Variants in ITCH observed in about 807,000 individuals in gnomAD.
ITCH encodes the protein itchy E3 ubiquitin protein ligase.
In ITCH, 28 loss-of-function variants were observed where a neutral mutation model predicts 126.8. That is an observed-to-expected ratio of 0.22 (90% CI 0.16 to 0.30). The LOEUF is 0.30. ITCH is among the 10% of genes least tolerant of loss of function. The probability of loss-of-function intolerance (pLI) is 1.00; values close to 1 mark genes in which losing one functional copy is unlikely to be tolerated. For missense variants in ITCH, 631 were observed against 1,032.4 expected (o/e 0.61, Z 5.33); for synonymous variants, 342 against 340.0 (o/e 1.01, Z -0.06).
At chr20:34,373,016 C>G (rs573874663) in intron 2 of ITCH, among the ~76,000 whole-genome samples, 99 of 149,918 alleles carry the variant, frequency 6.6e-4, no homozygotes, top group Non-Finnish European at 1.3e-3. Flanking sequence ...CTCTTGTTGC[C>G]GAGGCTGGAG....
rs201871783 is a variant in ITCH, at chr20:34,471,489, A to G, written c.1543A>G (p.Thr515Ala). The change falls in exon 16 of 25, where the codon ACA becomes GCA. Residue 515 changes from threonine to alanine, a missense_variant. Physicochemically the swap from Thr to Ala is moderately conservative, Grantham distance 58 (BLOSUM62 0). Transcript: ENST00000374864. ...QHIKITVTRKTLFEDSFQQIM... is the reference protein window; with the variant it reads ...QHIKITVTRKALFEDSFQQIM... Reference sequence around the variant, plus strand: ...CATAAAGATTACAGTGACAAGAAAAACATTGTTTGAGGATTCCTTTCAACA... The same window carrying G: ...CATAAAGATTACAGTGACAAGAAAAGCATTGTTTGAGGATTCCTTTCAACA... The G allele has an allele frequency of 6.2e-7, 1 of 1,607,532 alleles. No individual in the cohort carries two copies. Among genetic ancestry groups the G allele is most frequent in the Non-Finnish European group, 8.5e-7 (1 of 1,173,954 alleles).
chr20:34,489,358 T>C lies in ITCH; in HGVS notation c.2186T>C (p.Leu729Ser). The change falls in exon 21 of 25, where the codon TTG (leucine) becomes TCG (serine). Residue 729 changes from leucine to serine, a missense_variant. Leu to Ser is a moderately radical substitution (Grantham distance 145, BLOSUM62 -2). This residue lies in a region of ITCH where 390 missense variants were observed against 731.6 expected (regional missense o/e 0.53). Coordinates refer to ENST00000374864, the MANE Select transcript of ITCH (RefSeq NM_031483.7). ...GFNEILPQQY[L>S]QYFDAKELEV... ...AATGAAATTCTTCCCCAGCAATATTTGCAATACTTTGATGCAAAGGAATTA... is the reference window on the plus strand; with the variant it reads ...AATGAAATTCTTCCCCAGCAATATTCGCAATACTTTGATGCAAAGGAATTA... 1 of 1,613,598 alleles carries C rather than the reference T, an allele frequency of 6.2e-7. No homozygotes were observed. The highest frequency in any genetic ancestry group is 8.5e-7 in the Non-Finnish European group (1 of 1,179,696).
chr20:34,507,278 TTTTTTTTTTTTG>T (rs1391785316), intron 24 of ITCH, among the ~76,000 whole-genome samples: 2 of 88,612 alleles, frequency 2.3e-5, no homozygotes, highest in African/African-American at 3.9e-5. Context: ...TTTTTTTTTT[TTTTTTTTTTTTG>T]GTTGTTGTTG....
chr20:34,398,710 T>C (rs1187090024), intron 3 of ITCH, among the ~76,000 whole-genome samples: 1 of 152,188 alleles, frequency 6.6e-6, no homozygotes, highest in African/African-American at 2.4e-5. Context: ...AAATATTCTC[T>C]TTTTTATAAA....
rs889263392 is a variant in ITCH at position 34,385,101 on chromosome 20, G to T, written c.-21-8690G>T. The stretch of plus-strand genomic sequence containing the variant: ...GTGATCTCAGCTCACTGTAACCTCT[G>T]CCTCTGAGATTCAAGCCATTCTCCT... On this transcript the variant is annotated intron_variant, in intron 2 of 24. Transcript: ENST00000374864. Among the ~76,000 whole-genome samples the T allele has an allele frequency of 4.6e-5, 7 of 151,232 alleles. No homozygotes were observed. In the East Asian group the frequency reaches 1.4e-3, roughly 29 times the overall value.
chr20:34,459,462 C>A (rs766626132), intron 13 of ITCH, among the ~76,000 whole-genome samples: 22 of 152,176 alleles, frequency 1.4e-4, no homozygotes, highest in Non-Finnish European at 3.1e-4. Flanking sequence ...AACTGATGCT[C>A]CATGTCCCAC....
chr20:34,438,881 G>A (rs936941633), intron 8 of ITCH, among the ~76,000 whole-genome samples: 2 of 152,106 alleles, frequency 1.3e-5, no homozygotes, highest in African/African-American at 4.8e-5. Flanking sequence ...AAGTATAGGC[G>A]GTGCAGATAA....
chr20:34,383,957 G>A (rs932223958), intron 2 of ITCH, among the ~76,000 whole-genome samples: 5 of 142,080 alleles, frequency 3.5e-5, no homozygotes, highest in African/African-American at 1.3e-4. Flanking sequence ...CTATTCTTCT[G>A]TCTCAGCCTC....
rs1986806541 is a variant in ITCH, at chr20:34,464,169, T to G, written c.1424+1948T>G. Among the ~76,000 whole-genome samples, 3 of 151,496 alleles carry G rather than the reference T, an allele frequency of 2.0e-5. No individual in the cohort carries two copies. The South Asian group carries it at 6.3e-4, about 32-fold the overall frequency. ...TTTTTTTTTTTTTTTGTATTTTGTT[T>G]AATAGAGACGGGGTTTCACCACATT... On this transcript the variant is annotated intron_variant, in intron 14 of 24. Transcript: ENST00000374864.
At chr20:34,483,037 T>C (rs987133888) in intron 20 of ITCH, among the ~76,000 whole-genome samples, 1 of 152,190 alleles carries the variant, frequency 6.6e-6, no homozygotes, top group Non-Finnish European at 1.5e-5. Context: ...CCTTGGCCAC[T>C]TTTAGTCATG....
chr20:34,454,065 G>C (rs1173916329), intron 12 of ITCH, among the ~76,000 whole-genome samples: 1 of 151,898 alleles, frequency 6.6e-6, no homozygotes, highest in East Asian at 1.9e-4. Context: ...AATTTAATGC[G>C]ACTGCCAAGA....
chr20:34,411,335 G>T (rs568543881), intron 4 of ITCH, among the ~76,000 whole-genome samples: 1 of 152,058 alleles, frequency 6.6e-6, no homozygotes, highest in South Asian at 2.1e-4. Flanking sequence ...TGTAATTTTA[G>T]TAGAGACGGG....
chr20:34,462,300 G>C, intron 14 of ITCH, 79 bp downstream of exon 14: 1 of 1,437,938 alleles, frequency 7.0e-7, no homozygotes, highest in Non-Finnish European at 9.7e-7. Flanking sequence ...TATTAGCAAG[G>C]AGTGGAAGTC....
intron 3 of ITCH, among the ~76,000 whole-genome samples, chr20:34,405,943 C>T (rs2039044938): frequency 1.3e-5 from 2 of 151,670 alleles, no homozygotes; most frequent in African/African-American, 4.8e-5. Flanking sequence ...CTCTGGTCCC[C>T]ACTTGAATAT....
At chr20:34,424,602 G>A in intron 7 of ITCH, 77 bp downstream of exon 7, 1 of 1,177,500 alleles carries the variant, frequency 8.5e-7, no homozygotes, top group Non-Finnish European at 1.3e-6. Context: ...GTAAACTTCA[G>A]GTTCATGATA....
intron 24 of ITCH, among the ~76,000 whole-genome samples, chr20:34,504,756 A>G (rs968048091): frequency 6.6e-6 from 1 of 152,226 alleles, no homozygotes; most frequent in Non-Finnish European, 1.5e-5. Context: ...AACTAAATCT[A>G]ATCCTAATCT....
intron 2 of ITCH, among the ~76,000 whole-genome samples, chr20:34,383,306 G>A (rs576038129): frequency 2.8e-4 from 42 of 151,318 alleles, no homozygotes; most frequent in African/African-American, 9.7e-4. Context: ...GACCTCCCAA[G>A]GTATTGGGGG....
chr20:34,408,257 C>T (rs150509309), intron 3 of ITCH, among the ~76,000 whole-genome samples: 3 of 152,208 alleles, frequency 2.0e-5, no homozygotes, highest in South Asian at 2.1e-4. Context: ...GATTTTTAGG[C>T]GAGATGAGGT....
intron 6 of ITCH, chr20:34,417,069 C>G: frequency 1.7e-6 from 1 of 602,468 alleles, no homozygotes; most frequent in Non-Finnish European, 3.1e-6. Flanking sequence ...GCCACCACAC[C>G]TGGCTAATTT....
Sources: gnomAD v4.1 joint callset for allele counts (sites outside exome capture counted in the v4.1 genomes callset) on GRCh38, gnomAD v4.1.1 for gene constraint, gnomAD v4.1.1 regional missense constraint, MANE v1.5 for transcripts, NCBI Gene and HGNC (gene_info 2026-07-23, HGNC 2026-07-21) for gene names.